RBMS3: variants seen among roughly 807,000 people sequenced by gnomAD.
RBMS3 encodes the protein RNA-binding motif, single-stranded-interacting protein 3.
In RBMS3, 27 loss-of-function variants were observed where a neutral mutation model predicts 66.8. That is an observed-to-expected ratio of 0.40 (90% CI 0.30 to 0.56). The LOEUF (loss-of-function observed/expected upper bound fraction) is 0.56, where lower values mean the gene tolerates loss of function less well. Ranked by LOEUF, RBMS3 falls within the 20% of genes least tolerant of loss-of-function variation. The probability of loss-of-function intolerance (pLI) is 0.40; values close to 1 mark genes in which losing one functional copy is unlikely to be tolerated. For missense variants in RBMS3, 513 were observed against 549.5 expected, an observed-to-expected ratio of 0.93 and a Z score of 0.66; for synonymous variants, 188 against 183.0, an observed-to-expected ratio of 1.03 and a Z score of -0.22.
intron 12 of RBMS3, among the ~76,000 whole-genome samples, chr3:29,960,803 G>A (rs1696381482): frequency 6.6e-6 from 1 of 152,128 alleles, no homozygotes; most frequent in African/African-American, 2.4e-5. Context: ...TTCTAGCCAT[G>A]GCTGGAGCAG....
At chr3:29,806,031 T>G (rs775608289) in intron 6 of RBMS3, among the ~76,000 whole-genome samples, 1 of 152,002 alleles carries the variant, frequency 6.6e-6, no homozygotes, top group Non-Finnish European at 1.5e-5. Flanking sequence ...CTGTTTTGTG[T>G]TTTCCACACT....
intron 7 of RBMS3, among the ~76,000 whole-genome samples, chr3:29,871,509 G>A (rs2059490596): frequency 6.6e-6 from 1 of 152,004 alleles, no homozygotes; most frequent in Non-Finnish European, 1.5e-5. Flanking sequence ...ACTAAGGTTG[G>A]CAAACCAACT....
chr3:29,691,947 C>CTCTCTCTCTCTTTTTTTTTTTTTTTT lies in RBMS3; in HGVS notation c.400-47772_400-47771insCTCTCTCTCTTTTTTTTTTTTTTTTT, dbSNP rs1218393454. Among the ~76,000 whole-genome samples, 14 of 53,518 alleles carry CTCTCTCTCTCTTTTTTTTTTTTTTTT rather than the reference C, an allele frequency of 2.6e-4. 1 individual carries two copies. The highest frequency in any genetic ancestry group is 5.9e-4 in the South Asian group (1 of 1,690). The allele number at this position is 53,518 out of a possible 152,430, so 35.1% of individuals were successfully genotyped here. A position where few individuals can be genotyped will look rare whatever the true frequency, so the allele number is the denominator to read the frequency against. Reference sequence around the variant, plus strand: ...GTGTGACCCTTCTCTCTCTCTCTCTCTATTTTTTTTTTTTTTTTTTGAGAT... The same window carrying CTCTCTCTCTCTTTTTTTTTTTTTTTT: ...GTGTGACCCTTCTCTCTCTCTCTCTCTCTCTCTCTCTTTTTTTTTTTTTTTTTATTTTTTTTTTTTTTTTTTGAGAT... On this transcript the variant is annotated intron_variant, in intron 4 of 14. Coordinates refer to ENST00000383767, the MANE Select transcript of RBMS3 (RefSeq NM_001003793.3).
At chr3:29,906,849 C>G (rs2060392307) in intron 10 of RBMS3, among the ~76,000 whole-genome samples, 1 of 151,966 alleles carries the variant, frequency 6.6e-6, no homozygotes, top group Non-Finnish European at 1.5e-5. Flanking sequence ...ATACAATATA[C>G]CCATTATATA....
intron 12 of RBMS3, among the ~76,000 whole-genome samples, chr3:29,962,260 T>C (rs1343999387): frequency 2.0e-5 from 3 of 151,226 alleles, no homozygotes; most frequent in Non-Finnish European, 4.4e-5. Flanking sequence ...CAGGATAAAA[T>C]GATATAAGTA....
intron 4 of RBMS3, among the ~76,000 whole-genome samples, chr3:29,636,721 G>A (rs2049488104): frequency 2.0e-5 from 3 of 151,964 alleles, no homozygotes; most frequent in East Asian, 1.9e-4. Flanking sequence ...ATGTATTTGC[G>A]CAGCACGACT....
At chr3:29,414,613 T>C (rs1236607371) in intron 1 of RBMS3, among the ~76,000 whole-genome samples, 1 of 152,224 alleles carries the variant, frequency 6.6e-6, no homozygotes, top group Non-Finnish European at 1.5e-5. Context: ...TGTTTCAGTC[T>C]TAAAATATTC....
intron 7 of RBMS3, among the ~76,000 whole-genome samples, chr3:29,869,325 G>A (rs1238289784): frequency 6.6e-6 from 1 of 152,084 alleles, no homozygotes; most frequent in Non-Finnish European, 1.5e-5. Flanking sequence ...AATAGGGAAA[G>A]TTGAATGTTT....
chr3:29,747,914 T>TC (rs1215889401), intron 5 of RBMS3, among the ~76,000 whole-genome samples: 2 of 151,282 alleles, frequency 1.3e-5, no homozygotes, highest in East Asian at 3.9e-4. Context: ...AGGTGATGTT[T>TC]CACCAGGGAC....
At chr3:29,804,577 A>C (rs1462513961) in intron 6 of RBMS3, among the ~76,000 whole-genome samples, 1 of 152,024 alleles carries the variant, frequency 6.6e-6, no homozygotes, top group Non-Finnish European at 1.5e-5. Flanking sequence ...AAATGATAAA[A>C]TCTGATTTTA....
intron 10 of RBMS3, among the ~76,000 whole-genome samples, chr3:29,906,498 G>C (rs942162505): frequency 6.6e-6 from 1 of 151,936 alleles, no homozygotes; most frequent in Non-Finnish European, 1.5e-5. Flanking sequence ...CCATTCATGA[G>C]GACACAACAC....
chr3:29,399,221 G>GTA (rs146151806), intron 1 of RBMS3, among the ~76,000 whole-genome samples: 33,689 of 151,570 alleles, frequency 0.22, 3,835 homozygotes, highest in African/African-American at 0.28. Flanking sequence ...GTGTGTGTGT[G>GTA]TATATATATA....
chr3:29,547,717 A>T (rs2046014826), intron 3 of RBMS3, among the ~76,000 whole-genome samples: 1 of 152,020 alleles, frequency 6.6e-6, no homozygotes, highest in Non-Finnish European at 1.5e-5. Context: ...TTCTTAGTCC[A>T]AGTCTTCAGA....
intron 5 of RBMS3, 35 bp from the exon 6 acceptor site, chr3:29,762,875 C>T (rs774356085): frequency 1.5e-6 from 2 of 1,361,760 alleles, no homozygotes; most frequent in Non-Finnish European, 2.1e-6. Flanking sequence ...TTCTTGACAA[C>T]CATATATGAC....
intron 1 of RBMS3, among the ~76,000 whole-genome samples, chr3:29,422,199 A>G (rs939250318): frequency 6.6e-6 from 1 of 152,222 alleles, no homozygotes; most frequent in African/African-American, 2.4e-5. Flanking sequence ...CTTAGACACT[A>G]TACAATGACA....
intron 4 of RBMS3, among the ~76,000 whole-genome samples, chr3:29,627,628 C>G (rs2049117683): frequency 6.6e-6 from 1 of 152,136 alleles, no homozygotes; most frequent in Non-Finnish European, 1.5e-5. Context: ...CCTATGTGCT[C>G]CTGAATGTAC....
intron 4 of RBMS3, among the ~76,000 whole-genome samples, chr3:29,657,749 A>G (rs1244012724): frequency 2.0e-5 from 3 of 152,194 alleles, no homozygotes; most frequent in South Asian, 2.1e-4. Flanking sequence ...ACACAAAGCA[A>G]TACAAATGTT....
At chr3:29,374,153 C>A (rs1477629750) in intron 1 of RBMS3, among the ~76,000 whole-genome samples, 2 of 152,114 alleles carry the variant, frequency 1.3e-5, no homozygotes, top group African/African-American at 4.8e-5. Context: ...AACAACCAAT[C>A]CAAAACGGCA....
In RBMS3 at chr3:29,468,478, G is replaced by A. The variant is rs138063963; in HGVS notation, c.249-19963G>A. On this transcript the variant is annotated intron_variant, in intron 2 of 14. Transcript: ENST00000383767. ...AAGTTAAGTAGCTTACCCTAAGTAC[G>A]TGGTAGAATACCGTAACTTTGTAGG... Among the ~76,000 whole-genome samples the A allele has an allele frequency of 3.7e-3, 568 of 152,228 alleles. 3 individuals carry two copies. The highest frequency in any genetic ancestry group is 0.013 in the African/African-American group (536 of 41,548).
Sources: gnomAD v4.1 joint callset for allele counts (sites outside exome capture counted in the v4.1 genomes callset) on GRCh38, gnomAD v4.1.1 for gene constraint, MANE v1.5 for transcripts, NCBI Gene and HGNC (gene_info 2026-07-23, HGNC 2026-07-21) for gene names.